FSD1L: variants seen among roughly 807,000 people sequenced by gnomAD.
The protein encoded by FSD1L is fibronectin type III and SPRY domain containing 1 like, also known as FSD1-like protein.
Under a neutral mutation model 71.6 loss-of-function variants are expected in FSD1L, and 45 were observed. The observed-to-expected ratio is 0.63, with a 90% CI of 0.49 to 0.81. The LOEUF (loss-of-function observed/expected upper bound fraction) is 0.81. Ranked by LOEUF, FSD1L falls within the 30% of genes least tolerant of loss-of-function variation. FSD1L has a pLI of 0.00. For missense variants in FSD1L, 561 were observed against 618.1 expected (o/e 0.91, Z 0.98); for synonymous variants, 197 against 207.2 (o/e 0.95, Z 0.42).
chr9:105,444,123 TAGGTCTTTTA>T (rs1658801874), upstream of FSD1L, among the ~76,000 whole-genome samples: 1 of 152,112 alleles, frequency 6.6e-6, no homozygotes, highest in Non-Finnish European at 1.5e-5. Flanking sequence ...GTGGTGAGAA[TAGGTCTTTTA>T]AGGCCCCAAA....
chr9:105,533,405 G>A (rs1836026056), intron 10 of FSD1L, among the ~76,000 whole-genome samples: 1 of 29,724 alleles, frequency 3.4e-5, no homozygotes, highest in Admixed American at 3.4e-4. Flanking sequence ...TTGGATAATT[G>A]CCATTTCCAT....
At chr9:105,458,801 G>T (rs1310552535) in intron 1 of FSD1L, among the ~76,000 whole-genome samples, 1 of 152,188 alleles carries the variant, frequency 6.6e-6, no homozygotes, top group African/African-American at 2.4e-5. Context: ...GACTACGTCT[G>T]CCTCCTGCTG....
chr9:105,456,006 A>G (rs536225801), intron 1 of FSD1L, among the ~76,000 whole-genome samples: 7 of 152,328 alleles, frequency 4.6e-5, no homozygotes, highest in African/African-American at 1.7e-4. Context: ...CCCATATGTC[A>G]GCATTTCTCT....
Position 105,492,577 on chromosome 9 carries a change from T to C in FSD1L, c.586+8075T>C, listed in dbSNP as rs965430419. The stretch of plus-strand genomic sequence containing the variant: ...TGTTTGCTCTTGCTTTTCTAGTTCT[T>C]TTAATTGTGATGTTAGGGTGTGAAT... On this transcript the variant is annotated intron_variant, in intron 7 of 13. Transcript: ENST00000481272. 2.6e-5 allele frequency among the ~76,000 whole-genome samples: 4 copies of C among 152,184 alleles called. No homozygotes were observed. The East Asian group carries it at 7.7e-4, about 29-fold the overall frequency.
chr9:105,485,703 G>A (rs187253679), intron 7 of FSD1L, among the ~76,000 whole-genome samples: 476 of 151,590 alleles, frequency 3.1e-3, no homozygotes, highest in South Asian at 0.012. Flanking sequence ...GACTGCAGTG[G>A]CACGATCTCG....
chr9:105,533,423 T>TTTTTTTTTTTTTTTTTTG (rs1836044033), intron 10 of FSD1L, among the ~76,000 whole-genome samples: 1 of 92,740 alleles, frequency 1.1e-5, no homozygotes, highest in Non-Finnish European at 2.2e-5. Context: ...CATCTTTTTT[T>TTTTTTTTTTTTTTTTTTG]TTTTTTTTTT....
rs1027671562 is a variant in FSD1L at position 105,506,543 on chromosome 9, G to A, written c.731G>A (p.Arg244His). Residue 244 changes from arginine to histidine, a missense_variant, in exon 8 of 14, where the codon CGT becomes CAT. By Grantham distance (29) the Arg-to-His change is conservative (BLOSUM62 0). Transcript: ENST00000481272. The part of the protein sequence containing the change: ...HRKTNFDGLP[R>H]VKDERCWEII... The stretch of plus-strand genomic sequence containing the variant: ...AAGACTAATTTTGATGGACTTCCAC[G>A]TGTAAAGGATGAGCGATGCTGGGAG... 20 of 1,551,140 alleles carry A rather than the reference G, an allele frequency of 1.3e-5. No individual in the cohort carries two copies. The highest frequency in any genetic ancestry group is 7.3e-5 in the East Asian group (3 of 40,894).
chr9:105,525,871 A>G (rs529238023), intron 10 of FSD1L: 60 of 1,575,460 alleles, frequency 3.8e-5, no homozygotes, highest in Non-Finnish European at 5.1e-5. Context: ...TGCTACCTCT[A>G]CAGTAGAAGT....
At chr9:105,509,002 A>G (rs1356340187) in intron 9 of FSD1L, among the ~76,000 whole-genome samples, 1 of 152,212 alleles carries the variant, frequency 6.6e-6, no homozygotes, top group Non-Finnish European at 1.5e-5. Flanking sequence ...ATAAATAGGT[A>G]AGTATCACTG....
At chr9:105,535,017 T>C (rs1334477273) in intron 11 of FSD1L, 50 bp from the exon 12 acceptor site, 1 of 1,542,888 alleles carries the variant, frequency 6.5e-7, no homozygotes, top group South Asian at 1.2e-5. Flanking sequence ...TAAAACTGTG[T>C]GACTCATAAG....
rs762876382 is a variant in FSD1L at position 105,534,613 on chromosome 9, T to G, written c.1126+20T>G. ...TGCTGGGTAGGACAAAACATAATTGTTTTTCATTATCTCAGATTAAAGGCA... is the reference window on the plus strand; with the variant it reads ...TGCTGGGTAGGACAAAACATAATTGGTTTTCATTATCTCAGATTAAAGGCA... On this transcript the variant is annotated intron_variant, in intron 11 of 13. Coordinates refer to ENST00000481272, the MANE Select transcript of FSD1L (RefSeq NM_001145313.3). 3.7e-6 allele frequency: 5 copies of G among 1,365,404 alleles called. No homozygotes were observed. In the Admixed American group the frequency reaches 8.4e-5, roughly 23 times the overall value. 84.6% of individuals were successfully genotyped at this position (1,365,404 alleles called of 1,614,324 possible). A position where few individuals can be genotyped will look rare whatever the true frequency, so the allele number is the denominator to read the frequency against.
intron 1 of FSD1L, among the ~76,000 whole-genome samples, chr9:105,458,526 T>C (rs2131591302): frequency 6.6e-6 from 1 of 152,274 alleles, no homozygotes; most frequent in African/African-American, 2.4e-5. Context: ...AAATGGGTAG[T>C]CCTGATAGAT....
chr9:105,525,898 A>G, intron 10 of FSD1L: 1 of 1,558,616 alleles, frequency 6.4e-7, no homozygotes. Flanking sequence ...TCACATGTCA[A>G]CAAGAATGCC....
In FSD1L at chr9:105,506,615, T is replaced by A. The variant is rs1032959117; in HGVS notation, c.796+7T>A. 1 of 1,506,010 alleles carries A rather than the reference T, an allele frequency of 6.6e-7. No homozygotes were observed. The highest frequency in any genetic ancestry group is 9.0e-7 in the Non-Finnish European group (1 of 1,105,564). The allele number at this position is 1,506,010 out of a possible 1,614,324, so 93.3% of individuals were successfully genotyped here. A position where few individuals can be genotyped will look rare whatever the true frequency, so the allele number is the denominator to read the frequency against. The stretch of plus-strand genomic sequence containing the variant: ...ACTGAATATACACTATCAGGTAACA[T>A]GACTGCATTTTAGGACTCTCATTCT... On this transcript the variant is annotated splice_region_variant and intron_variant, in intron 8 of 13. Transcript: ENST00000481272.
At position 105,517,914 on chromosome 9, in the gene FSD1L, C is replaced by G. The variant is rs554857692; in HGVS notation, c.1025+4978C>G. 7.9e-5 allele frequency among the ~76,000 whole-genome samples: 12 copies of G among 152,188 alleles called. No homozygotes were observed. The East Asian group carries it at 2.3e-3, about 29-fold the overall frequency. On this transcript the variant is annotated intron_variant, in intron 10 of 13. Transcript: ENST00000481272. ...CATCAGTATGCTATATTCAGGAGAC[C>G]CATCTCACATGCAAAGACAAACATA...
In FSD1L at chr9:105,448,166, C is replaced by T. The variant is rs1829740589; in HGVS notation, c.-55C>T. 2.0e-6 allele frequency: 3 copies of T among 1,532,318 alleles called. No homozygotes were observed. Among genetic ancestry groups the T allele is most frequent in the Admixed American group, 2.0e-5 (1 of 50,682 alleles). 94.9% of individuals were successfully genotyped at this position (1,532,318 alleles called of 1,614,324 possible). On this transcript the variant is annotated 5_prime_UTR_variant, in exon 1 of 14. Transcript: ENST00000481272. ...CTTGGGGTGTGCGATCTCGCTGAGC[C>T]TCCTCACACGGTTCGTCGTCTCGGG...
intron 7 of FSD1L, among the ~76,000 whole-genome samples, chr9:105,505,741 T>C (rs1183526486): frequency 1.3e-5 from 2 of 152,270 alleles, no homozygotes; most frequent in Non-Finnish European, 2.9e-5. Context: ...AATAAATCTT[T>C]TGAATTCTTT....
chr9:105,504,469 G>T (rs1395733103), intron 7 of FSD1L, among the ~76,000 whole-genome samples: 3 of 152,046 alleles, frequency 2.0e-5, no homozygotes, highest in African/African-American at 7.2e-5. Flanking sequence ...TTCCATCTTG[G>T]TGTTATTTTA....
rs187891831 is a variant in FSD1L at position 105,474,050 on chromosome 9, C to T, written c.441+2045C>T. 2.9e-3 allele frequency among the ~76,000 whole-genome samples: 439 copies of T among 152,300 alleles called. 1 individual carries two copies. The highest frequency in any genetic ancestry group is 0.01 in the African/African-American group (423 of 41,550). On this transcript the variant is annotated intron_variant, in intron 5 of 13. Transcript: ENST00000481272. ...TGAAATGAATTACAACCATGTGTCG[C>T]TTAACGAGGATGTCTTCTAAGAAAT...
Sources: gnomAD v4.1 joint callset for allele counts (sites outside exome capture counted in the v4.1 genomes callset) on GRCh38, gnomAD v4.1.1 for gene constraint, MANE v1.5 for transcripts, NCBI Gene and HGNC (gene_info 2026-07-23, HGNC 2026-07-21) for gene names.